The following MORN2 variants were observed in gnomAD, a reference collection of about 807,000 sequenced individuals.
MORN2 encodes the protein MORN repeat containing 2, also known as MORN repeat-containing protein 2.
A neutral mutation model predicts 13.4 loss-of-function variants in MORN2; 15 were observed. That is an observed-to-expected ratio of 1.12 (90% confidence interval 0.75 to 1.72). The LOEUF is 1.72. MORN2 is among the 40% of genes most tolerant of loss of function. MORN2 has a pLI of 0.00. For synonymous variants in MORN2, 46 were observed against 43.6 expected (o/e 1.06, Z -0.22); for missense variants, 168 against 134.6 (o/e 1.25, Z -1.23).
At chr2:38,882,199 T>G (rs552451303) in intron 4 of MORN2, among the ~76,000 whole-genome samples, 1 of 152,048 alleles carries the variant, frequency 6.6e-6, no homozygotes, top group African/African-American at 2.4e-5. Flanking sequence ...AATTGTTTGT[T>G]TTTGTTTGGA....
At chr2:38,880,281 G>A (rs1368602876) in intron 2 of MORN2, 52 bp downstream of exon 2, 2 of 399,146 alleles carry the variant, frequency 5.0e-6, no homozygotes, top group Non-Finnish European at 8.8e-6. Flanking sequence ...AATAGCTTAG[G>A]AATAAAAAAC....
rs1012166966 is a variant in MORN2, at chr2:38,876,208, G to T, written c.58+98G>T. On this transcript the variant is annotated intron_variant, in intron 1 of 4. Transcript: ENST00000644631. Reference sequence around the variant, plus strand: ...CTGCTTGGCTCCCGGTAACTCCTGTGGGGGTGTGATATATTTCCTGACCGT... The same window carrying T: ...CTGCTTGGCTCCCGGTAACTCCTGTTGGGGTGTGATATATTTCCTGACCGT... 1.0e-5 allele frequency: 4 copies of T among 398,228 alleles called. No individual in the cohort carries two copies. In the South Asian group the frequency reaches 3.9e-4, roughly 39 times the overall value. 24.7% of individuals were successfully genotyped at this position (398,228 alleles called of 1,614,324 possible). A position where few individuals can be genotyped will look rare whatever the true frequency, so the allele number is the denominator to read the frequency against.
intron 1 of MORN2, among the ~76,000 whole-genome samples, chr2:38,878,119 T>C (rs979522292): frequency 2.1e-5 from 3 of 139,660 alleles, no homozygotes; most frequent in Non-Finnish European, 3.3e-5. Context: ...CCAGTTTCCA[T>C]GATTTTAGAT....
Position 38,880,589 on chromosome 2 carries a change from C to T in MORN2, c.110-11C>T, listed in dbSNP as rs1665751000. The T allele has an allele frequency of 1.2e-5, 18 of 1,487,404 alleles. 1 individual carries two copies. In the South Asian group the frequency reaches 2.2e-4, roughly 18 times the overall value. 92.1% of individuals were successfully genotyped at this position (1,487,404 alleles called of 1,614,324 possible). Reference sequence around the variant, plus strand: ...CTCATTTATAATCTTCAGTTTTTCTCCTCTGTTTAGATGGTGACTGTACAA... The same window carrying T: ...CTCATTTATAATCTTCAGTTTTTCTTCTCTGTTTAGATGGTGACTGTACAA... On this transcript the variant is annotated splice_polypyrimidine_tract_variant and intron_variant, in intron 2 of 4. Coordinates refer to ENST00000644631, the MANE Select transcript of MORN2 (RefSeq NM_001145450.3).
chr2:38,881,537 C>A lies in MORN2; in HGVS notation c.312C>A (p.Phe104Leu). ...TTCATGGACTGGGGACTTACACATTCCCAAATGGGGCAAAGTATACTGGAA... is the reference window on the plus strand; with the variant it reads ...TTCATGGACTGGGGACTTACACATTACCAAATGGGGCAAAGTATACTGGAA... The change falls in exon 4 of 5, where the codon TTC (phenylalanine) becomes TTA (leucine). Residue 104 changes from phenylalanine (F) to leucine (L), a missense_variant. Coordinates refer to ENST00000644631, the MANE Select transcript of MORN2 (RefSeq NM_001145450.3). The A allele has an allele frequency of 1.3e-6, 2 of 1,538,742 alleles. No individual in the cohort carries two copies. The highest frequency in any genetic ancestry group is 2.5e-5 in the East Asian group (1 of 40,000).
chr2:38,880,226 T>A lies in MORN2; in HGVS notation c.106T>A (p.Tyr36Asn), dbSNP rs936978583. 5 of 398,978 alleles carry A rather than the reference T, an allele frequency of 1.3e-5. No individual in the cohort carries two copies. The highest frequency in any genetic ancestry group is 2.2e-5 in the Non-Finnish European group (5 of 226,132). 24.7% of individuals were successfully genotyped at this position (398,978 alleles called of 1,614,324 possible). The change falls in exon 2 of 5, where the codon TAT becomes AAT. Residue 36 changes from tyrosine to asparagine, a missense_variant. Physicochemically the swap from Tyr to Asn is moderately radical, Grantham distance 143. Transcript: ENST00000644631. ...CTTTATCTTTCCAAATGGAGACAAG[T>A]ATGGTAAGTATACGCTTCAATTACT... is the stretch of plus-strand genomic sequence containing the variant.
chr2:38,879,681 T>G (rs1223905163), intron 1 of MORN2, among the ~76,000 whole-genome samples: 1 of 152,192 alleles, frequency 6.6e-6, no homozygotes, highest in Non-Finnish European at 1.5e-5. Flanking sequence ...ACTGCTAATG[T>G]GTACAGAGTT....
At chr2:38,876,685 G>A (rs1665637117) in intron 1 of MORN2, among the ~76,000 whole-genome samples, 3 of 152,198 alleles carry the variant, frequency 2.0e-5, no homozygotes, top group Non-Finnish European at 4.4e-5. Context: ...AATAGGCCCA[G>A]AGTGCCGTGG....
chr2:38,877,252 C>T (rs1665659326), intron 1 of MORN2, among the ~76,000 whole-genome samples: 1 of 151,546 alleles, frequency 6.6e-6, no homozygotes, highest in Non-Finnish European at 1.5e-5. Flanking sequence ...GGCGACAGAG[C>T]GAGACTCCGT....
rs892771947 is a variant in MORN2, at chr2:38,881,544, G to A, written c.319G>A (p.Gly107Arg). ...ACTGGGGACTTACACATTCCCAAAT[G>A]GGGCAAAGTATACTGGAAATTTCAA... is the stretch of plus-strand genomic sequence containing the variant. The change falls in exon 4 of 5, where the codon GGG becomes AGG. Residue 107 changes from glycine to arginine, a missense_variant. By Grantham distance (125) the Gly-to-Arg change is moderately radical (BLOSUM62 -2). Coordinates refer to ENST00000644631, the MANE Select transcript of MORN2 (RefSeq NM_001145450.3). The A allele has an allele frequency of 6.5e-7, 1 of 1,535,100 alleles. No homozygotes were observed. Among genetic ancestry groups the A allele is most frequent in the Non-Finnish European group, 8.8e-7 (1 of 1,141,490 alleles).
At position 38,880,781 on chromosome 2, in the gene MORN2, T is replaced by G; in HGVS notation, c.216+75T>G. Reference sequence around the variant, plus strand: ...TTAGTGATTCCAGGCATTTCACCATTAATCAAAAACTCCTATAATGAGTAG... The same window carrying G: ...TTAGTGATTCCAGGCATTTCACCATGAATCAAAAACTCCTATAATGAGTAG... On this transcript the variant is annotated intron_variant, in intron 3 of 4. Transcript: ENST00000644631. 2.0e-6 allele frequency: 3 copies of G among 1,505,624 alleles called. No homozygotes were observed. The Admixed American group carries it at 6.4e-5, about 32-fold the overall frequency. 93.3% of individuals were successfully genotyped at this position (1,505,624 alleles called of 1,614,324 possible).
intron 2 of MORN2, among the ~76,000 whole-genome samples, 154 bp downstream of exon 2, chr2:38,880,383 T>A (rs935834879): frequency 1.3e-5 from 2 of 152,186 alleles, no homozygotes; most frequent in African/African-American, 4.8e-5. Context: ...GCTTTTAAAA[T>A]CAAAATTCCA....
chr2:38,877,790 T>G (rs1665686693), intron 1 of MORN2, among the ~76,000 whole-genome samples: 1 of 151,178 alleles, frequency 6.6e-6, no homozygotes, highest in Non-Finnish European at 1.5e-5. Flanking sequence ...TTTTAAAACT[T>G]AATTTTTTTT....
intron 1 of MORN2, among the ~76,000 whole-genome samples, chr2:38,879,350 T>C (rs1319540377): frequency 6.6e-6 from 1 of 152,186 alleles, no homozygotes; most frequent in Non-Finnish European, 1.5e-5. Flanking sequence ...AGCAGTATTA[T>C]TCATAATGGC....
intron 1 of MORN2, among the ~76,000 whole-genome samples, chr2:38,879,801 G>T (rs1014096269): frequency 1.3e-5 from 2 of 152,102 alleles, no homozygotes; most frequent in South Asian, 2.1e-4. Context: ...AGATTTTGTG[G>T]TGTGTGAATT....
In MORN2 at chr2:38,880,162, T is replaced by C. The variant is rs1665742599; in HGVS notation, c.59-17T>C. On this transcript the variant is annotated splice_polypyrimidine_tract_variant and intron_variant, in intron 1 of 4. Transcript: ENST00000644631. ...AAAAGTAAACTTATGTCACTGTTTTTAAATCTTTTAAAACAGCTTCAGAAG... is the reference window on the plus strand; with the variant it reads ...AAAAGTAAACTTATGTCACTGTTTTCAAATCTTTTAAAACAGCTTCAGAAG... 2 of 398,884 alleles carry C rather than the reference T, an allele frequency of 5.0e-6. No individual in the cohort carries two copies. The highest frequency in any genetic ancestry group is 4.4e-5 in the Admixed American group (1 of 22,732). 24.7% of individuals were successfully genotyped at this position (398,884 alleles called of 1,614,324 possible).
intron 1 of MORN2, among the ~76,000 whole-genome samples, chr2:38,876,657 C>G (rs1232750697): frequency 6.6e-6 from 1 of 152,090 alleles, no homozygotes; most frequent in Non-Finnish European, 1.5e-5. Context: ...TTAATAGAAC[C>G]TTAAGTACTA....
At chr2:38,877,792 A>G (rs973359985) in intron 1 of MORN2, among the ~76,000 whole-genome samples, 1 of 149,524 alleles carries the variant, frequency 6.7e-6, no homozygotes, top group African/African-American at 2.5e-5. Context: ...TTAAAACTTA[A>G]TTTTTTTTAT....
Position 38,882,602 on chromosome 2 carries a change from C to A in MORN2, c.*87C>A. On this transcript the variant is annotated 3_prime_UTR_variant, in exon 5 of 5. Transcript: ENST00000644631. ...CTTAATCTGTTATTTGAAATGACTT[C>A]ATACACTACCCCTATAAGTTTGCCA... 1 of 899,278 alleles carries A rather than the reference C, an allele frequency of 1.1e-6. No individual in the cohort carries two copies. Among genetic ancestry groups the A allele is most frequent in the Non-Finnish European group, 1.7e-6 (1 of 577,496 alleles). 55.7% of individuals were successfully genotyped at this position (899,278 alleles called of 1,614,324 possible).
Sources: gnomAD v4.1 joint callset for allele counts (sites outside exome capture counted in the v4.1 genomes callset) on GRCh38, gnomAD v4.1.1 for gene constraint, MANE v1.5 for transcripts, NCBI Gene and HGNC (gene_info 2026-07-23, HGNC 2026-07-21) for gene names.